LRRN1: variants seen among roughly 807,000 people sequenced by gnomAD.
The protein encoded by LRRN1 is leucine-rich repeat neuronal protein 1.
A neutral mutation model predicts 45.8 loss-of-function variants in LRRN1; 14 were observed. The ratio of observed to expected loss-of-function variants is 0.31; its 90% CI spans 0.20 to 0.48. LRRN1 has a LOEUF of 0.48. LRRN1 is among the 20% of genes least tolerant of loss of function. The pLI, the probability that LRRN1 is intolerant of heterozygous loss-of-function variation, is 0.99. For missense variants in LRRN1, 789 were observed against 874.2 expected (o/e 0.90, Z 1.23); for synonymous variants, 359 against 330.1 (o/e 1.09, Z -0.95).
chr3:3,812,251 A>G (rs1376226185), intron 1 of LRRN1, among the ~76,000 whole-genome samples: 1 of 152,230 alleles, frequency 6.6e-6, no homozygotes, highest in Non-Finnish European at 1.5e-5. Context: ...TAAATGTAAA[A>G]TGATGGCTGT....
chr3:3,807,878 G>T (rs1337565381), intron 1 of LRRN1, among the ~76,000 whole-genome samples: 2 of 152,168 alleles, frequency 1.3e-5, no homozygotes, highest in Non-Finnish European at 2.9e-5. Flanking sequence ...CCCCCCAAAG[G>T]ACCAGTTAGC....
chr3:3,819,240 G>A (rs1693052426), intron 1 of LRRN1, among the ~76,000 whole-genome samples: 1 of 152,126 alleles, frequency 6.6e-6, no homozygotes, highest in Non-Finnish European at 1.5e-5. Context: ...TCCTGCCTCA[G>A]CTTCCCAAAG....
intron 1 of LRRN1, among the ~76,000 whole-genome samples, chr3:3,826,905 C>A (rs886253093): frequency 1.3e-5 from 2 of 152,126 alleles, no homozygotes; most frequent in Non-Finnish European, 2.9e-5. Flanking sequence ...ACTGTAATTT[C>A]TCTCTTTGAC....
At chr3:3,839,659 G>T (rs946800777) in intron 1 of LRRN1, among the ~76,000 whole-genome samples, 2 of 151,946 alleles carry the variant, frequency 1.3e-5, no homozygotes, top group Non-Finnish European at 2.9e-5. Flanking sequence ...ATTTATTTTG[G>T]TTATCTCTTA....
intron 1 of LRRN1, among the ~76,000 whole-genome samples, chr3:3,823,350 T>G (rs150177105): frequency 2.4e-4 from 37 of 151,730 alleles, no homozygotes; most frequent in African/African-American, 8.7e-4. Context: ...ATTTCCTCAG[T>G]GTAAAAAGGG....
rs2106474465 is a variant in LRRN1, at chr3:3,848,146, C to T, written c.*1354C>T. Among the ~76,000 whole-genome samples the T allele has an allele frequency of 6.6e-6, 1 of 152,234 alleles. No individual in the cohort carries two copies. Among genetic ancestry groups the T allele is most frequent in the Middle Eastern group, 3.4e-3 (1 of 294 alleles). ...TTTCTTTTTAACAGTTGTCTATATG[C>T]TTAGACCCGTGTTAGTCTCTATATC... On this transcript the variant is annotated 3_prime_UTR_variant, in exon 2 of 2. Transcript: ENST00000319331.
Position 3,844,802 on chromosome 3 carries a change from C to T in LRRN1, c.161C>T (p.Thr54Ile), listed in dbSNP as rs143489221. The change falls in exon 2 of 2, where the codon ACC becomes ATC. Residue 54 changes from threonine to isoleucine, a missense_variant. Transcript: ENST00000319331. ...CCACAGTCAACTTACAGAGAAGCCA[C>T]CACTGTTGATTGCAATGACCTCCGC... ...FTPQSTYREA[T>I]TVDCNDLRLT... 1.6e-5 allele frequency: 26 copies of T among 1,614,054 alleles called. No individual in the cohort carries two copies. The Admixed American group carries it at 3.8e-4, about 24-fold the overall frequency.
At chr3:3,809,187 A>C (rs1692826347) in intron 1 of LRRN1, among the ~76,000 whole-genome samples, 1 of 152,074 alleles carries the variant, frequency 6.6e-6, no homozygotes, top group Non-Finnish European at 1.5e-5. Context: ...TCTGTCGCCC[A>C]GGCTGGAGTG....
At position 3,824,179 on chromosome 3, in the gene LRRN1, G is replaced by T. The variant is rs1172329310; in HGVS notation, c.-278-20185G>T. ...TGACATCATTGTAAAGAATAGAGAT[G>T]ATCATACCATATACACGTAAGTCAC... On this transcript the variant is annotated intron_variant, in intron 1 of 1. Transcript: ENST00000319331. Among the ~76,000 whole-genome samples, 3 of 152,166 alleles carry T rather than the reference G, an allele frequency of 2.0e-5. No homozygotes were observed. The East Asian group carries it at 5.8e-4, about 29-fold the overall frequency.
chr3:3,804,713 C>G (rs1298970447), intron 1 of LRRN1, among the ~76,000 whole-genome samples: 1 of 152,184 alleles, frequency 6.6e-6, no homozygotes, highest in Non-Finnish European at 1.5e-5. Flanking sequence ...ATGTGGACTC[C>G]ACAGCTGTCC....
At chr3:3,818,528 T>A (rs765394118) in intron 1 of LRRN1, among the ~76,000 whole-genome samples, 3 of 152,172 alleles carry the variant, frequency 2.0e-5, no homozygotes, top group African/African-American at 2.4e-5. Flanking sequence ...ACTTTCTTGA[T>A]CTTACAAGTG....
At chr3:3,822,816 G>C (rs143534487) in intron 1 of LRRN1, 1 of 152,292 alleles carries the variant, frequency 6.6e-6, no homozygotes, top group Non-Finnish European at 1.5e-5. Flanking sequence ...GCAGCCACTT[G>C]ATACTGGGGA....
intron 1 of LRRN1, chr3:3,827,397 G>T (rs941892556): frequency 2.2e-6 from 1 of 456,142 alleles, no homozygotes; most frequent in African/African-American, 2.0e-5. Flanking sequence ...GGCCTTCAGG[G>T]ACAGGAGGAT....
intron 1 of LRRN1, chr3:3,801,241 C>T (rs990503772): frequency 6.6e-6 from 1 of 152,250 alleles, no homozygotes; most frequent in East Asian, 1.9e-4. Context: ...TAAATCCCAT[C>T]CCGCCGTAAG....
At chr3:3,829,954 T>C (rs889902511) in intron 1 of LRRN1, among the ~76,000 whole-genome samples, 2 of 152,184 alleles carry the variant, frequency 1.3e-5, no homozygotes, top group African/African-American at 4.8e-5. Flanking sequence ...TATCGAGGGC[T>C]CAGTGTTGGT....
chr3:3,814,683 C>T (rs1226878093), intron 1 of LRRN1, among the ~76,000 whole-genome samples: 1 of 152,140 alleles, frequency 6.6e-6, no homozygotes, highest in African/African-American at 2.4e-5. Flanking sequence ...GTTCCTTAGT[C>T]TCCTTTTGTC....
At chr3:3,811,358 C>T (rs1004387414) in intron 1 of LRRN1, among the ~76,000 whole-genome samples, 1 of 152,132 alleles carries the variant, frequency 6.6e-6, no homozygotes, top group African/African-American at 2.4e-5. Context: ...TGTAGTACCA[C>T]CACCACCAAG....
chr3:3,805,499 C>CT, intron 1 of LRRN1, among the ~76,000 whole-genome samples: 2 of 152,304 alleles, frequency 1.3e-5, no homozygotes, highest in East Asian at 3.9e-4. Context: ...CTGCAACCAT[C>CT]CCGGTGCTTC....
At chr3:3,840,025 G>T (rs1301842131) in intron 1 of LRRN1, among the ~76,000 whole-genome samples, 2 of 152,090 alleles carry the variant, frequency 1.3e-5, no homozygotes, top group East Asian at 3.8e-4. Flanking sequence ...GAATAGAAAT[G>T]GCAAGAATAG....
Sources: allele counts gnomAD v4.1 joint callset (sites outside exome capture counted in the v4.1 genomes callset), GRCh38; gene constraint gnomAD v4.1.1; transcripts MANE v1.5; gene names NCBI Gene and HGNC (gene_info 2026-07-23, HGNC 2026-07-21).